Variants in KLHL29 observed in about 807,000 individuals in gnomAD.
KLHL29 encodes the protein kelch like family member 29, also known as kelch-like protein 29.
In KLHL29, 21 loss-of-function variants were observed where a neutral mutation model predicts 80.4. That is an observed-to-expected ratio of 0.26 (90% CI 0.19 to 0.38). KLHL29 has a LOEUF of 0.38. Among genes scored for constraint, KLHL29 ranks in the 10% least tolerant of loss-of-function variants. The pLI is 1.00. For missense variants in KLHL29, 867 were observed against 1,223.9 expected (o/e 0.71, Z 4.35); for synonymous variants, 511 against 526.8 (o/e 0.97, Z 0.41).
intron 5 of KLHL29, among the ~76,000 whole-genome samples, chr2:23,645,564 C>A (rs529091748): frequency 6.6e-6 from 1 of 152,298 alleles, no homozygotes; most frequent in East Asian, 1.9e-4. Flanking sequence ...TCGTTAAAGT[C>A]CCCGATATTC....
chr2:23,665,090 T>C (rs1670517579), intron 5 of KLHL29, among the ~76,000 whole-genome samples: 1 of 152,244 alleles, frequency 6.6e-6, no homozygotes. Context: ...CCGCTGGTAC[T>C]CAGATGGAGA....
intron 3 of KLHL29, among the ~76,000 whole-genome samples, chr2:23,567,080 G>T (rs1290967853): frequency 6.6e-6 from 1 of 152,210 alleles, no homozygotes; most frequent in African/African-American, 2.4e-5. Context: ...CAGGGGCAGG[G>T]TGCTCCTGAG....
intron 3 of KLHL29, among the ~76,000 whole-genome samples, chr2:23,637,981 ACCT>A (rs1669662738): frequency 6.7e-6 from 1 of 148,900 alleles, no homozygotes; most frequent in Non-Finnish European, 1.5e-5. Context: ...TCCCGGGGCC[ACCT>A]CTACTGACAC....
intron 5 of KLHL29, chr2:23,667,998 A>T (rs559676462): frequency 1.1e-4 from 17 of 152,402 alleles, no homozygotes; most frequent in African/African-American, 4.1e-4. Flanking sequence ...GGAAATGCCT[A>T]AAGCACTTCA....
chr2:23,576,086 C>T (rs1667835448), intron 3 of KLHL29, among the ~76,000 whole-genome samples: 2 of 152,250 alleles, frequency 1.3e-5, no homozygotes, highest in Non-Finnish European at 2.9e-5. Flanking sequence ...GGGTGGATCA[C>T]CTGAGGTCAG....
intron 3 of KLHL29, among the ~76,000 whole-genome samples, chr2:23,608,455 T>TC (rs397754162): frequency 1.3e-5 from 2 of 151,594 alleles, no homozygotes; most frequent in Non-Finnish European, 2.9e-5. Context: ...CTTTTTTTTT[T>TC]CCTCTGTCTT....
At chr2:23,661,041 A>AG (rs1337816810) in intron 5 of KLHL29, among the ~76,000 whole-genome samples, 31 of 149,410 alleles carry the variant, frequency 2.1e-4, no homozygotes, top group Middle Eastern at 3.7e-3. Flanking sequence ...CAGAAAAAAA[A>AG]AGAGAGAGAG....
chr2:23,656,299 T>A (rs1319192144), intron 5 of KLHL29, among the ~76,000 whole-genome samples: 1 of 152,144 alleles, frequency 6.6e-6, no homozygotes, highest in African/African-American at 2.4e-5. Flanking sequence ...GGAGGTGGGC[T>A]GTGCGCCAAT....
intron 3 of KLHL29, among the ~76,000 whole-genome samples, chr2:23,626,601 C>T (rs1337268972): frequency 1.3e-5 from 2 of 152,234 alleles, no homozygotes; most frequent in East Asian, 3.8e-4. Flanking sequence ...GTGCACTCCC[C>T]TAGGCCAGAA....
intron 5 of KLHL29, among the ~76,000 whole-genome samples, chr2:23,683,676 G>A (rs997064286): frequency 2.6e-5 from 4 of 152,192 alleles, no homozygotes; most frequent in Non-Finnish European, 5.9e-5. Context: ...GGGATCTGCC[G>A]GGCTGTAAAG....
intron 3 of KLHL29, among the ~76,000 whole-genome samples, chr2:23,584,545 G>C (rs985720468): frequency 1.7e-4 from 26 of 152,302 alleles, no homozygotes; most frequent in Middle Eastern, 3.4e-3. Context: ...GCAACAGCCT[G>C]AGCTCATCAC....
At chr2:23,621,824 C>A (rs562842742) in intron 3 of KLHL29, among the ~76,000 whole-genome samples, 11 of 152,318 alleles carry the variant, frequency 7.2e-5, no homozygotes, top group Non-Finnish European at 1.5e-4. Flanking sequence ...AGCATACCCT[C>A]CTCCCTGTGG....
At chr2:23,646,869 T>G (rs1432791700) in intron 5 of KLHL29, among the ~76,000 whole-genome samples, 1 of 152,168 alleles carries the variant, frequency 6.6e-6, no homozygotes. Flanking sequence ...AAAGTGGGGG[T>G]GACAGTACCA....
intron 1 of KLHL29, among the ~76,000 whole-genome samples, chr2:23,427,699 T>C (rs893427): frequency 0.51 from 77,041 of 152,050 alleles, 20,815 homozygotes; most frequent in African/African-American, 0.71. Context: ...TTGGGGTCTA[T>C]TATTGACTAA....
intron 6 of KLHL29, among the ~76,000 whole-genome samples, chr2:23,688,447 G>A (rs1027034398): frequency 6.6e-6 from 1 of 152,198 alleles, no homozygotes; most frequent in African/African-American, 2.4e-5. Flanking sequence ...GGGTGGATGA[G>A]GGCCTCCATC....
At chr2:23,610,344 G>A (rs967629661) in intron 3 of KLHL29, among the ~76,000 whole-genome samples, 5 of 152,190 alleles carry the variant, frequency 3.3e-5, no homozygotes, top group African/African-American at 1.2e-4. Context: ...TCCCTATCTT[G>A]TCACTATCTG....
At chr2:23,550,074 T>A (rs1202322594) in intron 2 of KLHL29, among the ~76,000 whole-genome samples, 1 of 152,084 alleles carries the variant, frequency 6.6e-6, no homozygotes, top group Non-Finnish European at 1.5e-5. Flanking sequence ...GTTTTTCCGT[T>A]TTATGGCTGT....
chr2:23,673,495 G>A (rs534513819), intron 5 of KLHL29, among the ~76,000 whole-genome samples: 55 of 146,034 alleles, frequency 3.8e-4, no homozygotes, highest in Admixed American at 1.6e-3. Flanking sequence ...ATGCATACAC[G>A]CCCCCACACC....
intron 3 of KLHL29, among the ~76,000 whole-genome samples, chr2:23,631,217 G>T (rs558055331): frequency 6.6e-6 from 1 of 152,026 alleles, no homozygotes; most frequent in Non-Finnish European, 1.5e-5. Context: ...GCCCCATCAC[G>T]TCCTCTGCCC....
Sources: gnomAD v4.1 joint callset for allele counts (sites outside exome capture counted in the v4.1 genomes callset) on GRCh38, gnomAD v4.1.1 for gene constraint, MANE v1.5 for transcripts, NCBI Gene and HGNC (gene_info 2026-07-23, HGNC 2026-07-21) for gene names.